THEMIS: variants seen among roughly 807,000 people sequenced by gnomAD.
The protein encoded by THEMIS is thymocyte selection associated, also known as protein THEMIS.
THEMIS carries 37 observed loss-of-function variants against 52.6 expected under a neutral mutation model. The observed-to-expected ratio is 0.70, with a 90% CI of 0.54 to 0.93. The LOEUF (loss-of-function observed/expected upper bound fraction) is 0.93, where lower values mean the gene tolerates loss of function less well. THEMIS is among the 40% of genes least tolerant of loss of function. The pLI is 0.00. For missense variants in THEMIS, 808 were observed against 763.1 expected (o/e 1.06, Z -0.69); for synonymous variants, 292 against 272.7 (o/e 1.07, Z -0.70).
intron 3 of THEMIS, among the ~76,000 whole-genome samples, chr6:127,818,525 A>G (rs1212797004): frequency 1.3e-5 from 2 of 151,806 alleles, no homozygotes; most frequent in African/African-American, 4.8e-5. Context: ...AACGTAATAT[A>G]TCAAGTTAAG....
chr6:127,766,060 C>T (rs1358368013), intron 4 of THEMIS, among the ~76,000 whole-genome samples: 1 of 152,030 alleles, frequency 6.6e-6, no homozygotes, highest in Non-Finnish European at 1.5e-5. Context: ...ATTTAGCACC[C>T]CAAATTCAAA....
chr6:127,734,896 A>AAAT (rs1554216674), intron 4 of THEMIS, among the ~76,000 whole-genome samples: 30 of 65,434 alleles, frequency 4.6e-4, no homozygotes, highest in African/African-American at 1.2e-3. Flanking sequence ...AAAAAAAAAA[A>AAAT]ATATATATAT....
intron 2 of THEMIS, among the ~76,000 whole-genome samples, chr6:127,850,643 C>T (rs1779388537): frequency 6.6e-6 from 1 of 151,670 alleles, no homozygotes. Context: ...GAATGAAAAA[C>T]AAAATATCAT....
At chr6:127,873,781 T>G (rs1319448684) in intron 1 of THEMIS, among the ~76,000 whole-genome samples, 2 of 152,224 alleles carry the variant, frequency 1.3e-5, no homozygotes, top group African/African-American at 4.8e-5. Flanking sequence ...GTATGTTATG[T>G]GTATTACATA....
chr6:127,910,582 G>A (rs1473254901), intron 1 of THEMIS, among the ~76,000 whole-genome samples: 2 of 152,054 alleles, frequency 1.3e-5, no homozygotes, highest in Non-Finnish European at 2.9e-5. Context: ...TTAGATGACT[G>A]TACATTTGAA....
At chr6:127,912,117 G>C (rs548158601) in intron 1 of THEMIS, among the ~76,000 whole-genome samples, 1 of 152,298 alleles carries the variant, frequency 6.6e-6, no homozygotes, top group East Asian at 1.9e-4. Context: ...GCATCAGCAT[G>C]ATCTGGATGT....
At chr6:127,775,800 G>A (rs1411579989) in intron 4 of THEMIS, among the ~76,000 whole-genome samples, 4 of 151,886 alleles carry the variant, frequency 2.6e-5, no homozygotes, top group Admixed American at 2.6e-4. Flanking sequence ...ATGCTTTTTT[G>A]TAAAATGGTT....
chr6:127,727,896 C>T (rs1390311305), intron 4 of THEMIS, among the ~76,000 whole-genome samples: 1 of 152,206 alleles, frequency 6.6e-6, no homozygotes, highest in African/African-American at 2.4e-5. Flanking sequence ...TAAAAGGCTG[C>T]TCTTCTGACC....
chr6:127,862,428 ATTTTTT>A (rs71028110), intron 1 of THEMIS, among the ~76,000 whole-genome samples: 5 of 72,790 alleles, frequency 6.9e-5, no homozygotes, highest in Non-Finnish European at 1.4e-4. Flanking sequence ...TAGGGAGTAA[ATTTTTT>A]TTTTTTTTTT....
At chr6:127,815,144 C>T (rs1285060466) in intron 3 of THEMIS, among the ~76,000 whole-genome samples, 2 of 151,512 alleles carry the variant, frequency 1.3e-5, no homozygotes, top group African/African-American at 2.4e-5. Context: ...AGAGTGAGAC[C>T]CTGTCTCAAA....
Position 127,829,488 on chromosome 6 carries a change from C to T in THEMIS, c.697G>A (p.Gly233Ser), listed in dbSNP as rs752880675. 1.1e-5 allele frequency: 17 copies of T among 1,603,232 alleles called. No homozygotes were observed. Among genetic ancestry groups the T allele is most frequent in the Non-Finnish European group, 1.4e-5 (17 of 1,175,190 alleles). The change falls in exon 3 of 6, where the codon GGT (glycine) becomes AGT (serine). Residue 233 changes from glycine to serine, a missense_variant. Transcript: ENST00000368248. ...AGTGGATACTCACATTTCATCACAC[C>T]TTGAATTTCATAAACAGGCTTGAGA... ...LILKPVYEIQ[G>S]VMKFRKDIIR...
At chr6:127,746,724 T>A (rs1183381260) in intron 4 of THEMIS, among the ~76,000 whole-genome samples, 2 of 104,662 alleles carry the variant, frequency 1.9e-5, no homozygotes, top group Non-Finnish European at 3.6e-5. Context: ...TAATTATATA[T>A]TATTATATAA....
intron 4 of THEMIS, among the ~76,000 whole-genome samples, chr6:127,726,234 T>C (rs1408186351): frequency 6.6e-6 from 1 of 152,116 alleles, no homozygotes; most frequent in Non-Finnish European, 1.5e-5. Context: ...GTATCTACCC[T>C]GAACTTTTCT....
chr6:127,774,720 A>G (rs972526750), intron 4 of THEMIS, among the ~76,000 whole-genome samples: 3 of 152,110 alleles, frequency 2.0e-5, no homozygotes, highest in Non-Finnish European at 4.4e-5. Flanking sequence ...TCACTTTCAA[A>G]ATAACACTTA....
chr6:127,839,284 T>C (rs571166905), intron 2 of THEMIS, among the ~76,000 whole-genome samples: 2 of 152,156 alleles, frequency 1.3e-5, no homozygotes, highest in East Asian at 3.9e-4. Context: ...AATGAGTTAG[T>C]TATAAAATAT....
At chr6:127,784,969 ATC>A (rs1776877500) in intron 4 of THEMIS, among the ~76,000 whole-genome samples, 2 of 129,814 alleles carry the variant, frequency 1.5e-5, no homozygotes, top group Admixed American at 1.5e-4. Context: ...CTATCTATCT[ATC>A]TATCTATCTA....
chr6:127,882,999 C>A (rs1009036004), intron 1 of THEMIS, among the ~76,000 whole-genome samples: 2 of 151,898 alleles, frequency 1.3e-5, no homozygotes, highest in Admixed American at 6.6e-5. Context: ...CACTAAGCAT[C>A]ATTATTCAAC....
rs527944025 is a variant in THEMIS, at chr6:127,857,262, T to C, written c.92-2074A>G. Among the ~76,000 whole-genome samples, 20 of 152,008 alleles carry C rather than the reference T, an allele frequency of 1.3e-4. 1 individual carries two copies. Among genetic ancestry groups the C allele is most frequent in the South Asian group, 8.3e-4 (4 of 4,818 alleles). ...GGAGTATACTGAAGGCATTTAATTATGCAATTACATGAAAAAGAGATTAGA... is the reference window on the plus strand; with the variant it reads ...GGAGTATACTGAAGGCATTTAATTACGCAATTACATGAAAAAGAGATTAGA... On this transcript the variant is annotated intron_variant, in intron 1 of 5. Coordinates refer to ENST00000368248, the MANE Select transcript of THEMIS (RefSeq NM_001010923.3).
chr6:127,829,915 A>T lies in THEMIS; in HGVS notation c.270T>A (p.Ala90=). The T allele has an allele frequency of 6.2e-7, 1 of 1,610,382 alleles. No homozygotes were observed. The highest frequency in any genetic ancestry group is 8.5e-7 in the Non-Finnish European group (1 of 1,178,324). The change falls in exon 3 of 6, where the codon GCT becomes GCA. Residue 90 remains alanine (A), a synonymous_variant. Coordinates refer to ENST00000368248, the MANE Select transcript of THEMIS (RefSeq NM_001010923.3). ...MNFPGLFKIV[A]DKTPYLTMEE... is the part of the protein sequence containing the mutation. ...CCATAGTAAGGTATGGAGTTTTATC[A>T]GCCACAATCTTAAAAAGACCTAAGA...
Sources: gnomAD v4.1 joint callset for allele counts (sites outside exome capture counted in the v4.1 genomes callset) on GRCh38, gnomAD v4.1.1 for gene constraint, MANE v1.5 for transcripts, NCBI Gene and HGNC (gene_info 2026-07-23, HGNC 2026-07-21) for gene names.